Variants in NOMO1 observed in about 807,000 individuals in gnomAD.
NOMO1 encodes the protein nodal modulator 3.
A neutral mutation model predicts 133.8 loss-of-function variants in NOMO1; 40 were observed. The ratio of observed to expected loss-of-function variants is 0.30; its 90% CI spans 0.23 to 0.39. The LOEUF (loss-of-function observed/expected upper bound fraction) is 0.39. NOMO1 is among the 10% of genes least tolerant of loss of function. The probability of loss-of-function intolerance (pLI) is 1.00; values close to 1 mark genes in which losing one functional copy is unlikely to be tolerated. For synonymous variants in NOMO1, 236 were observed against 570.5 expected, an observed-to-expected ratio of 0.41 and a Z score of 8.36; for missense variants, 462 against 1,419.9, an observed-to-expected ratio of 0.33 and a Z score of 10.84.
chr16:14,860,390 T>C (rs1963906353), intron 11 of NOMO1, among the ~76,000 whole-genome samples: 2 of 150,524 alleles, frequency 1.3e-5, no homozygotes, highest in South Asian at 2.1e-4. Flanking sequence ...AAAAGAGTTA[T>C]CAGTTGGCAA....
rs1449771206 is a variant in NOMO1 at position 14,867,962 on chromosome 16, G to A, written c.1807-586G>A. ...TCCTCCCACTGTCCCCTCACTCGCC[G>A]GGCCCCAGCCACAGTGGTCCTCTGC... On this transcript the variant is annotated intron_variant, in intron 15 of 30. Transcript: ENST00000287667. 2.1e-3 allele frequency among the ~76,000 whole-genome samples: 236 copies of A among 110,498 alleles called. 1 individual carries two copies. The highest frequency in any genetic ancestry group is 5.9e-3 in the African/African-American group (181 of 30,558). The allele number at this position is 110,498 out of a possible 152,430, so 72.5% of individuals were successfully genotyped here. A position where few individuals can be genotyped will look rare whatever the true frequency, so the allele number is the denominator to read the frequency against.
At chr16:14,885,010 G>T (rs1057290001) in intron 27 of NOMO1, among the ~76,000 whole-genome samples, 9 of 151,996 alleles carry the variant, frequency 5.9e-5, no homozygotes, top group African/African-American at 1.5e-4. Flanking sequence ...ATGGCAGAAG[G>T]TGAAGTGGGA....
chr16:14,866,036 G>A (rs1031927226), intron 14 of NOMO1, among the ~76,000 whole-genome samples: 2 of 143,788 alleles, frequency 1.4e-5, no homozygotes, highest in African/African-American at 5.2e-5. Context: ...CTTTCTTGAT[G>A]TAATGGAAAT....
chr16:14,884,712 A>G (rs938922586), intron 27 of NOMO1, among the ~76,000 whole-genome samples: 4 of 151,974 alleles, frequency 2.6e-5, no homozygotes, highest in African/African-American at 7.3e-5. Flanking sequence ...CCAGTTTCAG[A>G]TAACTGTCTG....
chr16:14,873,394 A>G (rs1201057780), intron 18 of NOMO1, among the ~76,000 whole-genome samples: 17 of 135,168 alleles, frequency 1.3e-4, no homozygotes, highest in African/African-American at 4.5e-4. Context: ...GGGGCCCCAG[A>G]CTAGTGGCTG....
At chr16:14,837,241 T>C (rs1171897000) in intron 1 of NOMO1, among the ~76,000 whole-genome samples, 1 of 151,204 alleles carries the variant, frequency 6.6e-6, no homozygotes, top group Non-Finnish European at 1.5e-5. Context: ...TCTCCTGGGC[T>C]CAAGTGATCC....
At chr16:14,860,596 T>C (rs1963909909) in intron 11 of NOMO1, among the ~76,000 whole-genome samples, 1 of 151,724 alleles carries the variant, frequency 6.6e-6, no homozygotes, top group Admixed American at 6.6e-5. Flanking sequence ...ATGGATTTGG[T>C]AGGTCACATG....
intron 29 of NOMO1, among the ~76,000 whole-genome samples, chr16:14,893,258 C>T (rs1381449394): frequency 1.3e-5 from 2 of 151,888 alleles, no homozygotes; most frequent in South Asian, 2.1e-4. Context: ...TGCAGTGGCA[C>T]GATCTTGGCC....
At chr16:14,846,758 T>C in intron 5 of NOMO1, 75 bp downstream of exon 5, 1 of 1,504,754 alleles carries the variant, frequency 6.6e-7, no homozygotes, top group South Asian at 1.2e-5. Flanking sequence ...GGTTTGGGAG[T>C]TTGGATTCAG....
chr16:14,839,230 A>G (rs1963568671), intron 2 of NOMO1, among the ~76,000 whole-genome samples: 1 of 151,584 alleles, frequency 6.6e-6, no homozygotes, highest in South Asian at 2.1e-4. Flanking sequence ...AATGTTTTGT[A>G]TTTTTAATAG....
intron 15 of NOMO1, among the ~76,000 whole-genome samples, chr16:14,867,750 C>G (rs1348047300): frequency 1.3e-5 from 2 of 149,230 alleles, no homozygotes; most frequent in Non-Finnish European, 3.0e-5. Context: ...AACTTACTCC[C>G]CTAACTGCTT....
Position 14,843,555 on chromosome 16 carries a change from T to C in NOMO1, c.302-1119T>C, listed in dbSNP as rs565861633. On this transcript the variant is annotated intron_variant, in intron 3 of 30. Transcript: ENST00000287667. ...TTTTTTTTAATTTTAGCCCTTCTGG[T>C]GGGGGTGTGGTATTATCTCACTGTG... Among the ~76,000 whole-genome samples the C allele has an allele frequency of 2.0e-5, 3 of 151,904 alleles. No individual in the cohort carries two copies. The South Asian group carries it at 6.2e-4, about 32-fold the overall frequency.
chr16:14,841,941 T>C (rs1283163733), intron 3 of NOMO1, among the ~76,000 whole-genome samples: 23 of 151,892 alleles, frequency 1.5e-4, no homozygotes, highest in Non-Finnish European at 2.6e-4. Flanking sequence ...AGGGTAGTTA[T>C]AGTCCCTGCC....
At chr16:14,887,710 A>G (rs1286600079) in intron 28 of NOMO1, among the ~76,000 whole-genome samples, 7 of 152,236 alleles carry the variant, frequency 4.6e-5, no homozygotes, top group Middle Eastern at 3.4e-3. Flanking sequence ...CACTTTGAAC[A>G]TATCACCCCA....
intron 29 of NOMO1, among the ~76,000 whole-genome samples, chr16:14,892,609 TAA>T (rs757049459): frequency 4.8e-4 from 51 of 105,712 alleles, no homozygotes; most frequent in African/African-American, 1.0e-3. Context: ...AAAGTATAAT[TAA>T]AAAAAAAAAA....
At chr16:14,864,809 G>T in intron 13 of NOMO1, 83 bp downstream of exon 13, 6 of 1,611,668 alleles carry the variant, frequency 3.7e-6, no homozygotes, top group Non-Finnish European at 5.1e-6. Context: ...TTTTCCTTTT[G>T]CCTTTGTTGT....
chr16:14,853,383 A>C (rs1963787741), intron 7 of NOMO1, 84 bp from the exon 8 acceptor site: 1 of 1,074,464 alleles, frequency 9.3e-7, no homozygotes, highest in Non-Finnish European at 1.3e-6. Context: ...ACTTAAAAAA[A>C]TTTTCCTATA....
At chr16:14,835,050 CTG>C (rs2151890346) in intron 1 of NOMO1, among the ~76,000 whole-genome samples, 1 of 122,524 alleles carries the variant, frequency 8.2e-6, no homozygotes, top group East Asian at 2.3e-4. Flanking sequence ...GGGTGAAGCT[CTG>C]TGTTCTGCAA....
At chr16:14,837,859 T>C (rs1212096246) in intron 1 of NOMO1, among the ~76,000 whole-genome samples, 20 of 104,504 alleles carry the variant, frequency 1.9e-4, no homozygotes, top group African/African-American at 7.4e-4. Flanking sequence ...CAAACAATTT[T>C]CCTGCCTCAG....
Sources: allele counts gnomAD v4.1 joint callset (sites outside exome capture counted in the v4.1 genomes callset), GRCh38; gene constraint gnomAD v4.1.1; transcripts MANE v1.5; gene names NCBI Gene and HGNC (gene_info 2026-07-23, HGNC 2026-07-21).